The following RGS7 variants were observed in gnomAD, a reference collection of about 807,000 sequenced individuals.
RGS7 encodes the protein regulator of G-protein signaling 7.
In RGS7, 27 loss-of-function variants were observed where a neutral mutation model predicts 81.1. The observed-to-expected ratio is 0.33, with a 90% CI of 0.25 to 0.46. The LOEUF is 0.46. Among genes scored for constraint, RGS7 ranks in the 20% least tolerant of loss-of-function variants. The probability of loss-of-function intolerance (pLI) is 1.00; values close to 1 mark genes in which losing one functional copy is unlikely to be tolerated. For synonymous variants in RGS7, 208 were observed against 207.7 expected (o/e 1.00, Z -0.01); for missense variants, 396 against 607.4 (o/e 0.65, Z 3.66).
chr1:240,984,843 A>G (rs1685423122), intron 3 of RGS7, among the ~76,000 whole-genome samples: 1 of 152,228 alleles, frequency 6.6e-6, no homozygotes, highest in African/African-American at 2.4e-5. Flanking sequence ...TTTGATTACT[A>G]AACTTGACAA....
chr1:240,934,480 A>G (rs973911555), intron 5 of RGS7, among the ~76,000 whole-genome samples: 38 of 152,214 alleles, frequency 2.5e-4, no homozygotes, highest in African/African-American at 8.9e-4. Flanking sequence ...CTCTTCAAAT[A>G]TGGACTGGTT....
At chr1:240,963,191 G>A (rs1681745963) in intron 4 of RGS7, among the ~76,000 whole-genome samples, 2 of 152,142 alleles carry the variant, frequency 1.3e-5, no homozygotes, top group African/African-American at 4.8e-5. Context: ...AGGAGGCAAA[G>A]TCTGCACAGA....
At chr1:241,018,897 C>T (rs773779900) in intron 3 of RGS7, among the ~76,000 whole-genome samples, 32 of 152,108 alleles carry the variant, frequency 2.1e-4, no homozygotes, top group Admixed American at 1.0e-3. Flanking sequence ...CAGAATTCCA[C>T]TTCACAAGCT....
At chr1:240,784,617 G>A (rs1684747742) in intron 18 of RGS7, among the ~76,000 whole-genome samples, 1 of 151,520 alleles carries the variant, frequency 6.6e-6, no homozygotes, top group African/African-American at 2.4e-5. Context: ...CTGCGCTCCA[G>A]CCTGGGCAAC....
chr1:241,020,989 T>A (rs2059507661), intron 3 of RGS7, among the ~76,000 whole-genome samples: 1 of 152,202 alleles, frequency 6.6e-6, no homozygotes, highest in Non-Finnish European at 1.5e-5. Context: ...AGAAGGGTAA[T>A]CCAGTTAATG....
chr1:241,068,900 T>C (rs932690299), intron 3 of RGS7, among the ~76,000 whole-genome samples: 4 of 152,136 alleles, frequency 2.6e-5, no homozygotes, highest in East Asian at 1.9e-4. Context: ...CTTGGTACTG[T>C]TGTTGCAATA....
At chr1:241,258,149 C>T (rs1245601295) in intron 2 of RGS7, among the ~76,000 whole-genome samples, 1 of 152,082 alleles carries the variant, frequency 6.6e-6, no homozygotes, top group African/African-American at 2.4e-5. Context: ...TATTTCATCA[C>T]ATTCATTTAG....
chr1:241,316,426 C>T (rs1193471315), intron 2 of RGS7, among the ~76,000 whole-genome samples: 1 of 152,198 alleles, frequency 6.6e-6, no homozygotes, highest in East Asian at 1.9e-4. Context: ...GACCAGTCCC[C>T]ACATCCTGAA....
chr1:240,905,677 G>A (rs557994796), intron 6 of RGS7, among the ~76,000 whole-genome samples: 3 of 152,294 alleles, frequency 2.0e-5, no homozygotes, highest in East Asian at 1.9e-4. Flanking sequence ...CAGTGGAAGC[G>A]TTGGAGTGTG....
chr1:240,810,445 C>CTTT (rs5782164), intron 14 of RGS7, among the ~76,000 whole-genome samples: 20 of 124,592 alleles, frequency 1.6e-4, no homozygotes, highest in African/African-American at 4.2e-4. Flanking sequence ...TTAATGCATT[C>CTTT]TTTTTTTTTT....
rs769797723 is a variant in RGS7, at chr1:241,221,037, GGA to G, written c.79-122277_79-122276del. 2.7e-3 allele frequency among the ~76,000 whole-genome samples: 214 copies of G among 80,132 alleles called. 1 individual carries two copies. The highest frequency in any genetic ancestry group is 9.6e-3 in the African/African-American group (204 of 21,184). The allele number at this position is 80,132 out of a possible 152,430, so 52.6% of individuals were successfully genotyped here. On this transcript the variant is annotated intron_variant, in intron 2 of 18. Coordinates refer to ENST00000440928, the MANE Select transcript of RGS7 (RefSeq NM_001364886.1). ...AGGAAGGAAGGAAGGAAGGAAGGAA[GGA>G]AAAGAAAGAAAGAAAGAAAGAGAGA...
At chr1:241,090,011 A>AAGAG (rs1553415263) in intron 3 of RGS7, among the ~76,000 whole-genome samples, 1 of 141,766 alleles carries the variant, frequency 7.1e-6, no homozygotes, top group Non-Finnish European at 1.5e-5. Flanking sequence ...AAAAAAAAAA[A>AAGAG]AGAGAGAGAG....
intron 2 of RGS7, among the ~76,000 whole-genome samples, chr1:241,139,461 T>C (rs2067767245): frequency 6.6e-6 from 1 of 152,254 alleles, no homozygotes; most frequent in Non-Finnish European, 1.5e-5. Flanking sequence ...CCAACATTAA[T>C]GTGCTATTCT....
chr1:241,047,179 G>C (rs940176445), intron 3 of RGS7, among the ~76,000 whole-genome samples: 2 of 152,128 alleles, frequency 1.3e-5, no homozygotes, highest in African/African-American at 4.8e-5. Flanking sequence ...CTGAATCCAC[G>C]TATCTCCGTA....
intron 9 of RGS7, among the ~76,000 whole-genome samples, chr1:240,857,570 C>G (rs1332877645): frequency 2.0e-5 from 3 of 152,174 alleles, no homozygotes; most frequent in African/African-American, 7.2e-5. Context: ...AACCCTTCAT[C>G]TTTTTCCTGT....
chr1:241,027,950 G>A (rs990628982), intron 3 of RGS7, among the ~76,000 whole-genome samples: 1 of 152,182 alleles, frequency 6.6e-6, no homozygotes, highest in African/African-American at 2.4e-5. Context: ...TTAATTTAGT[G>A]CAAGTGTAGG....
At chr1:241,269,965 C>T (rs1345981102) in intron 2 of RGS7, among the ~76,000 whole-genome samples, 1 of 152,204 alleles carries the variant, frequency 6.6e-6, no homozygotes, top group South Asian at 2.1e-4. Flanking sequence ...AACCTCATTA[C>T]TTTTGGCAGT....
rs541797349 is a variant in RGS7 at position 240,790,581 on chromosome 1, C to T, written c.*6+10060G>A. 3.3e-5 allele frequency among the ~76,000 whole-genome samples: 5 copies of T among 152,268 alleles called. No individual in the cohort carries two copies. The South Asian group carries it at 8.3e-4, about 25-fold the overall frequency. ...AAGTGCTTGTATTACTCTGCAGTGG[C>T]TTCAGGAAATAGAACTAGGATTAAT... On this transcript the variant is annotated intron_variant, in intron 18 of 18. Coordinates refer to ENST00000440928, the MANE Select transcript of RGS7 (RefSeq NM_001364886.1).
intron 4 of RGS7, among the ~76,000 whole-genome samples, chr1:240,971,565 A>G (rs544896869): frequency 1.3e-5 from 2 of 152,336 alleles, no homozygotes; most frequent in East Asian, 3.9e-4. Context: ...GCAGGTACCC[A>G]AAGATATGAG....
Sources: allele counts gnomAD v4.1 joint callset (sites outside exome capture counted in the v4.1 genomes callset), GRCh38; gene constraint gnomAD v4.1.1; transcripts MANE v1.5; gene names NCBI Gene and HGNC (gene_info 2026-07-23, HGNC 2026-07-21).